Variants in WNK2 observed in about 807,000 individuals in gnomAD.
The protein encoded by WNK2 is WNK lysine deficient protein kinase 2, also known as serine/threonine-protein kinase WNK2.
A neutral mutation model predicts 192.1 loss-of-function variants in WNK2; 67 were observed. That is an observed-to-expected ratio of 0.35 (90% CI 0.29 to 0.43). The LOEUF (loss-of-function observed/expected upper bound fraction) is 0.43, where lower values mean the gene tolerates loss of function less well. Ranked by LOEUF, WNK2 falls within the 20% of genes least tolerant of loss-of-function variation. WNK2 has a pLI of 1.00. For missense variants in WNK2, 2,698 were observed against 3,089.7 expected (o/e 0.87, Z 3.01); for synonymous variants, 1,439 against 1,393.9 (o/e 1.03, Z -0.72).
Position 93,320,452 on chromosome 9 carries a change from G to A in WNK2, c.*60G>A, listed in dbSNP as rs891082289. On this transcript the variant is annotated 3_prime_UTR_variant, in exon 30 of 30. Coordinates refer to ENST00000427277, the MANE Select transcript of WNK2 (RefSeq NM_006648.4). ...TAAGTGGAGAAGTGACGGACCCTCA[G>A]GGCCAGCTGCTCCTCCTGTCCAGTT... The A allele has an allele frequency of 5.9e-6, 8 of 1,363,910 alleles. No homozygotes were observed. Among genetic ancestry groups the A allele is most frequent in the Non-Finnish European group, 7.9e-6 (8 of 1,018,868 alleles). 84.5% of individuals were successfully genotyped at this position (1,363,910 alleles called of 1,614,324 possible). A position where few individuals can be genotyped will look rare whatever the true frequency, so the allele number is the denominator to read the frequency against.
intron 19 of WNK2, among the ~76,000 whole-genome samples, chr9:93,286,885 C>G (rs1481721766): frequency 2.0e-5 from 3 of 152,172 alleles, no homozygotes; most frequent in African/African-American, 7.2e-5. Context: ...GGACATTATG[C>G]TATATGAAAT....
intron 23 of WNK2, 40 bp downstream of exon 23, chr9:93,293,213 G>A: frequency 7.1e-7 from 1 of 1,409,190 alleles, no homozygotes; most frequent in Non-Finnish European, 9.2e-7. Flanking sequence ...CCGCCCCTGG[G>A]CCATGGCACC....
chr9:93,219,692 G>A (rs564504652), intron 2 of WNK2, among the ~76,000 whole-genome samples: 18 of 152,228 alleles, frequency 1.2e-4, no homozygotes, highest in Non-Finnish European at 2.5e-4. Context: ...GGCTATGTGG[G>A]GGCTCCTTTG....
intron 2 of WNK2, among the ~76,000 whole-genome samples, chr9:93,192,595 G>A (rs941332137): frequency 2.6e-5 from 4 of 152,128 alleles, no homozygotes; most frequent in Non-Finnish European, 5.9e-5. Context: ...GGGGCCAAGA[G>A]GGAGGAGCTC....
At chr9:93,295,305 G>T (rs1454814592) in intron 23 of WNK2, among the ~76,000 whole-genome samples, 1 of 152,148 alleles carries the variant, frequency 6.6e-6, no homozygotes, top group Non-Finnish European at 1.5e-5. Flanking sequence ...GCTCCCCAAC[G>T]CTGGGGCAGT....
chr9:93,238,263 C>A lies in WNK2; in HGVS notation c.1264C>A (p.His422Asn), dbSNP rs1223308386. The A allele has an allele frequency of 1.2e-6, 2 of 1,614,006 alleles. No homozygotes were observed. Among genetic ancestry groups the A allele is most frequent in the South Asian group, 1.1e-5 (1 of 91,088 alleles). ...CAAGCCGGCCAGCTTTGAGAAAGTGCACGATCCTGAAATCAAGGAGATTAT... is the reference window on the plus strand; with the variant it reads ...CAAGCCGGCCAGCTTTGAGAAAGTGAACGATCCTGAAATCAAGGAGATTAT... The part of the protein sequence containing the change: ...GIKPASFEKV[H>N]DPEIKEIIGE... Residue 422 changes from histidine (H) to asparagine (N), a missense_variant, in exon 6 of 30, where the codon CAC becomes AAC. Around this residue, in one of 7 missense-constraint regions of WNK2, gnomAD observed 230 missense variants for 501.1 expected, o/e 0.46. Transcript: ENST00000427277.
Position 93,293,066 on chromosome 9 carries a change from G to C in WNK2, c.5601G>C (p.Thr1867=). The change falls in exon 23 of 30, where the codon ACG becomes ACC. Residue 1867 remains threonine (T), a synonymous_variant. Coordinates refer to ENST00000427277, the MANE Select transcript of WNK2 (RefSeq NM_006648.4). ...TPSRVGMKVP[T]ISVTSFHSQS... ...GCAGGGTGGGCATGAAGGTCCCCACGATCAGCGTGACCTCCTTCCATTCCC... is the reference window on the plus strand; with the variant it reads ...GCAGGGTGGGCATGAAGGTCCCCACCATCAGCGTGACCTCCTTCCATTCCC... 1 of 1,610,794 alleles carries C rather than the reference G, an allele frequency of 6.2e-7. No homozygotes were observed. Among genetic ancestry groups the C allele is most frequent in the Non-Finnish European group, 8.5e-7 (1 of 1,178,824 alleles).
At chr9:93,187,977 T>A (rs2130899154) in intron 2 of WNK2, among the ~76,000 whole-genome samples, 1 of 152,194 alleles carries the variant, frequency 6.6e-6, no homozygotes, top group Non-Finnish European at 1.5e-5. Context: ...TCTAGGTGTG[T>A]TGGCTTTGTG....
chr9:93,252,684 A>G (rs574189673), intron 8 of WNK2, among the ~76,000 whole-genome samples, 199 bp from the exon 9 acceptor site: 85 of 152,196 alleles, frequency 5.6e-4, no homozygotes, highest in Non-Finnish European at 1.6e-4. Context: ...AGACATGGGC[A>G]GTGTTGGAGT....
intron 23 of WNK2, among the ~76,000 whole-genome samples, chr9:93,297,578 G>A (rs1037049761): frequency 6.6e-6 from 1 of 152,232 alleles, no homozygotes; most frequent in African/African-American, 2.4e-5. Flanking sequence ...TCCGAGTCTG[G>A]GTATTTGGAA....
intron 2 of WNK2, among the ~76,000 whole-genome samples, chr9:93,187,121 A>T (rs1829487039): frequency 6.6e-6 from 1 of 152,124 alleles, no homozygotes; most frequent in Non-Finnish European, 1.5e-5. Context: ...AGGGTGGTGG[A>T]TGGAACAGGG....
rs79258684 is a variant in WNK2, at chr9:93,194,461, G to A, written c.681+8851G>A. Among the ~76,000 whole-genome samples the A allele has an allele frequency of 5.1e-3, 771 of 152,340 alleles. 2 individuals are homozygous for A. Among genetic ancestry groups the A allele is most frequent in the Non-Finnish European group, 7.2e-3 (487 of 68,030 alleles). On this transcript the variant is annotated intron_variant, in intron 2 of 29. Transcript: ENST00000427277. Reference sequence around the variant, plus strand: ...ATGGCAAATAAGCATATGAAAAGATGTTGCCCATCGTAAGTCATCAGGGAA... The same window carrying A: ...ATGGCAAATAAGCATATGAAAAGATATTGCCCATCGTAAGTCATCAGGGAA...
chr9:93,268,099 A>C, intron 18 of WNK2, 34 bp downstream of exon 18: 2 of 1,588,872 alleles, frequency 1.3e-6, no homozygotes, highest in Non-Finnish European at 1.7e-6. Flanking sequence ...GCTTTTAAGC[A>C]GGCGTTTGAT....
chr9:93,312,703 T>G (rs1438967927), intron 28 of WNK2, among the ~76,000 whole-genome samples: 1 of 152,172 alleles, frequency 6.6e-6, no homozygotes, highest in Non-Finnish European at 1.5e-5. Flanking sequence ...TTCTGGTATG[T>G]GCATATCCAG....
chr9:93,200,219 C>G (rs1240090953), intron 2 of WNK2, among the ~76,000 whole-genome samples: 1 of 152,092 alleles, frequency 6.6e-6, no homozygotes, highest in African/African-American at 2.4e-5. Context: ...ATCGGGGGGC[C>G]TCCTCGAGGC....
At chr9:93,230,426 C>T (rs1479847496) in intron 3 of WNK2, among the ~76,000 whole-genome samples, 2 of 152,206 alleles carry the variant, frequency 1.3e-5, no homozygotes, top group Admixed American at 6.5e-5. Context: ...CCACCCACCT[C>T]CTCCCAGGGC....
chr9:93,292,592 C>T lies in WNK2; in HGVS notation c.5127C>T (p.Gly1709=). 1 of 1,580,102 alleles carries T rather than the reference C, an allele frequency of 6.3e-7. No individual in the cohort carries two copies. The highest frequency in any genetic ancestry group is 1.3e-5 in the African/African-American group (1 of 74,170). The change falls in exon 23 of 30, where the codon GGC becomes GGT. Residue 1709 remains glycine (G), a synonymous_variant. Transcript: ENST00000427277. ...CAGAGCCCCCGCCGAGTGACATGGG[C>T]ACAGTGGGGGGCCAGGCTAGCCACC... ...SSAEPPPSDM[G]TVGGQASHPQ...
At chr9:93,263,407 G>A in intron 14 of WNK2, 159 bp from the exon 15 acceptor site, 1 of 875,338 alleles carries the variant, frequency 1.1e-6, no homozygotes, top group Non-Finnish European at 1.7e-6. Context: ...TGAGGGCCCA[G>A]AAGCAGGCTT....
intron 29 of WNK2, chr9:93,318,069 A>T: frequency 6.2e-7 from 1 of 1,609,152 alleles, no homozygotes. Flanking sequence ...CACTTCCTAT[A>T]CTTGAGTTGA....
Sources: allele counts gnomAD v4.1 joint callset (sites outside exome capture counted in the v4.1 genomes callset), GRCh38; gene constraint gnomAD v4.1.1; regional missense constraint gnomAD v4.1.1; transcripts MANE v1.5; gene names NCBI Gene and HGNC (gene_info 2026-07-23, HGNC 2026-07-21).